KCNT2: variants seen among roughly 807,000 people sequenced by gnomAD.
KCNT2 encodes the protein potassium channel subfamily T member 2.
Under a neutral mutation model 153.8 loss-of-function variants are expected in KCNT2, and 67 were observed. The observed-to-expected ratio is 0.44, with a 90% confidence interval of 0.36 to 0.53. The LOEUF is 0.53. Among genes scored for constraint, KCNT2 ranks in the 20% least tolerant of loss-of-function variants. KCNT2 has a pLI of 0.00. For missense variants in KCNT2, 975 were observed against 1,354.8 expected (o/e 0.72, Z 4.40); for synonymous variants, 500 against 458.8 (o/e 1.09, Z -1.15).
intron 3 of KCNT2, among the ~76,000 whole-genome samples, chr1:196,485,733 T>C (rs752764925): frequency 4.6e-5 from 7 of 151,914 alleles, no homozygotes; most frequent in Non-Finnish European, 8.8e-5. Flanking sequence ...TTAAGTTGGA[T>C]AAATACATAG....
intron 14 of KCNT2, among the ~76,000 whole-genome samples, chr1:196,350,917 C>T (rs1666625520): frequency 1.3e-5 from 2 of 152,266 alleles, no homozygotes; most frequent in Admixed American, 1.3e-4. Flanking sequence ...CAGCTTTCTA[C>T]ATATGGCTAG....
At chr1:196,440,537 G>T (rs1675135520) in intron 8 of KCNT2, among the ~76,000 whole-genome samples, 1 of 151,940 alleles carries the variant, frequency 6.6e-6, no homozygotes, top group Non-Finnish European at 1.5e-5. Flanking sequence ...TAAACCTTGA[G>T]AATGTGAGCC....
intron 26 of KCNT2, among the ~76,000 whole-genome samples, chr1:196,248,079 T>A (rs1455059854): frequency 6.6e-6 from 1 of 152,050 alleles, no homozygotes; most frequent in Non-Finnish European, 1.5e-5. Context: ...AGAAGGAAAT[T>A]GAAAGATTTC....
intron 16 of KCNT2, among the ~76,000 whole-genome samples, chr1:196,337,146 A>T (rs1665117326): frequency 6.6e-6 from 1 of 151,888 alleles, no homozygotes; most frequent in African/African-American, 2.4e-5. Context: ...AATACTCTTT[A>T]TCTTCCCTTC....
chr1:196,341,785 C>T (rs890336615), intron 15 of KCNT2, among the ~76,000 whole-genome samples: 1 of 151,596 alleles, frequency 6.6e-6, no homozygotes, highest in African/African-American at 2.4e-5. Context: ...AAATTCAGAT[C>T]TGTGAAGAAG....
chr1:196,462,343 G>A (rs1438786289), intron 8 of KCNT2, among the ~76,000 whole-genome samples: 3 of 151,576 alleles, frequency 2.0e-5, no homozygotes, highest in African/African-American at 4.8e-5. Context: ...TACCAAGAGA[G>A]CGATGCTACC....
At chr1:196,467,598 G>C (rs917234264) in intron 7 of KCNT2, 105 bp downstream of exon 7, 6 of 619,782 alleles carry the variant, frequency 9.7e-6, no homozygotes, top group African/African-American at 1.8e-5. Context: ...GAATTAGAAA[G>C]TTCAAGACTA....
At chr1:196,474,121 C>T (rs981689561) in intron 5 of KCNT2, among the ~76,000 whole-genome samples, 6 of 151,850 alleles carry the variant, frequency 4.0e-5, no homozygotes, top group African/African-American at 7.3e-5. Context: ...TCATTTTTAA[C>T]CAATAATAAT....
intron 15 of KCNT2, 37 bp from the exon 16 acceptor site, chr1:196,340,607 AG>A (rs779176293): frequency 4.0e-6 from 5 of 1,258,372 alleles, no homozygotes; most frequent in Non-Finnish European, 5.6e-6. Flanking sequence ...TAAGAAAATT[AG>A]TAAATTATTG....
At chr1:196,390,890 C>CCT (rs1670423451) in intron 13 of KCNT2, among the ~76,000 whole-genome samples, 1 of 124,382 alleles carries the variant, frequency 8.0e-6, no homozygotes. Context: ...CTCATTCATT[C>CCT]TTTTTTTTTT....
intron 5 of KCNT2, among the ~76,000 whole-genome samples, chr1:196,475,586 C>A (rs1005686782): frequency 6.6e-6 from 1 of 151,456 alleles, no homozygotes; most frequent in Non-Finnish European, 1.5e-5. Flanking sequence ...CCAGCCTGAG[C>A]AACAGAGTGA....
intron 5 of KCNT2, among the ~76,000 whole-genome samples, chr1:196,475,172 T>C (rs1678421236): frequency 6.6e-6 from 1 of 152,220 alleles, no homozygotes; most frequent in African/African-American, 2.4e-5. Context: ...TATACATATG[T>C]AAACAAATAC....
chr1:196,602,787 T>G (rs1294942002), intron 1 of KCNT2, among the ~76,000 whole-genome samples: 2 of 134,482 alleles, frequency 1.5e-5, no homozygotes, highest in African/African-American at 5.6e-5. Context: ...TTTTTTTTTT[T>G]TTTTTTTTTT....
At chr1:196,351,220 G>GT (rs1158784249) in intron 14 of KCNT2, among the ~76,000 whole-genome samples, 2 of 152,090 alleles carry the variant, frequency 1.3e-5, no homozygotes, top group African/African-American at 2.4e-5. Flanking sequence ...CTTTAAAGTA[G>GT]TTTTTTCCAA....
At chr1:196,335,281 G>A (rs1236036205) in intron 16 of KCNT2, among the ~76,000 whole-genome samples, 2 of 152,090 alleles carry the variant, frequency 1.3e-5, no homozygotes, top group Non-Finnish European at 2.9e-5. Context: ...ACCATTTGGT[G>A]ATTTCTTAGA....
chr1:196,263,228 G>A (rs1159781718), intron 25 of KCNT2, among the ~76,000 whole-genome samples: 1 of 151,376 alleles, frequency 6.6e-6, no homozygotes, highest in Non-Finnish European at 1.5e-5. Flanking sequence ...AGAACGTGCA[G>A]GTTTGTTACA....
intron 18 of KCNT2, among the ~76,000 whole-genome samples, chr1:196,330,469 A>G (rs949688950): frequency 1.3e-5 from 2 of 151,936 alleles, no homozygotes; most frequent in Non-Finnish European, 2.9e-5. Flanking sequence ...ATGTAAAAGA[A>G]AAAATCCCTA....
At chr1:196,383,889 G>A (rs1299134873) in intron 13 of KCNT2, among the ~76,000 whole-genome samples, 2 of 152,130 alleles carry the variant, frequency 1.3e-5, no homozygotes, top group Non-Finnish European at 2.9e-5. Context: ...AGTATGTTAA[G>A]TCTTTGGCCA....
rs4500252 is a variant in KCNT2, at chr1:196,561,956, G to A, written c.95+46259C>T. Reference sequence around the variant, plus strand: ...ATCTAAAGACCTGGAATTCATAGAAGGGAGTGTCTGGGTTAAGATCGGGGA... The same window carrying A: ...ATCTAAAGACCTGGAATTCATAGAAAGGAGTGTCTGGGTTAAGATCGGGGA... On this transcript the variant is annotated intron_variant, in intron 1 of 27. Transcript: ENST00000294725. Among the ~76,000 whole-genome samples, 1,252 of 152,028 alleles carry A rather than the reference G, an allele frequency of 8.2e-3. 21 individuals are homozygous for A. The highest frequency in any genetic ancestry group is 0.029 in the African/African-American group (1,207 of 41,494).
Sources: gnomAD v4.1 joint callset for allele counts (sites outside exome capture counted in the v4.1 genomes callset) on GRCh38, gnomAD v4.1.1 for gene constraint, MANE v1.5 for transcripts, NCBI Gene and HGNC (gene_info 2026-07-23, HGNC 2026-07-21) for gene names.